Variants in RARB observed in about 807,000 individuals in gnomAD.
RARB encodes the protein retinoic acid receptor beta.
In RARB, 17 loss-of-function variants were observed where a neutral mutation model predicts 51.9. The observed-to-expected ratio is 0.33, with a 90% CI of 0.22 to 0.49. The LOEUF is 0.49. RARB is among the 20% of genes least tolerant of loss of function. The pLI, the probability that RARB is intolerant of heterozygous loss-of-function variation, is 0.99. For missense variants in RARB, 369 were observed against 550.8 expected (o/e 0.67, Z 3.30); for synonymous variants, 215 against 195.4 (o/e 1.10, Z -0.84).
chr3:25,535,477 G>GGTAT (rs1359453242), intron 3 of RARB, among the ~76,000 whole-genome samples: 1 of 150,652 alleles, frequency 6.6e-6, no homozygotes, highest in African/African-American at 2.5e-5. Flanking sequence ...TTGTTACATA[G>GGTAT]GTATACACGT....
At chr3:25,213,968 A>C (rs1224138762) in intron 5 of RARB, among the ~76,000 whole-genome samples, 3 of 152,248 alleles carry the variant, frequency 2.0e-5, no homozygotes, top group African/African-American at 7.2e-5. Flanking sequence ...GCTGATGGCC[A>C]ACCAAAGCAT....
intron 2 of RARB, among the ~76,000 whole-genome samples, chr3:24,974,146 G>T (rs1696459974): frequency 2.0e-5 from 3 of 151,794 alleles, no homozygotes; most frequent in South Asian, 2.1e-4. Flanking sequence ...GTTTTTTATG[G>T]TTTTAACATA....
intron 3 of RARB, among the ~76,000 whole-genome samples, chr3:25,086,198 T>G (rs4858700): frequency 6.6e-6 from 1 of 152,010 alleles, no homozygotes; most frequent in Non-Finnish European, 1.5e-5. Context: ...TGAATTCTAA[T>G]TAGCCCTGAA....
intron 5 of RARB, among the ~76,000 whole-genome samples, chr3:25,304,896 G>T (rs1337910256): frequency 6.6e-6 from 1 of 152,136 alleles, no homozygotes; most frequent in Non-Finnish European, 1.5e-5. Flanking sequence ...TACTCCAGTG[G>T]TATTTTTATT....
At chr3:24,955,653 T>C (rs775099742) in intron 2 of RARB, among the ~76,000 whole-genome samples, 3 of 152,146 alleles carry the variant, frequency 2.0e-5, no homozygotes, top group South Asian at 2.1e-4. Context: ...CCAGGGAAAA[T>C]GATTACCCTA....
At chr3:25,210,408 T>G (rs994395947) in intron 5 of RARB, among the ~76,000 whole-genome samples, 2 of 152,040 alleles carry the variant, frequency 1.3e-5, no homozygotes, top group African/African-American at 2.4e-5. Context: ...GTGAACAAGA[T>G]TTTCTTGAAA....
chr3:24,868,347 C>T (rs1702888557), intron 2 of RARB, among the ~76,000 whole-genome samples: 1 of 152,106 alleles, frequency 6.6e-6, no homozygotes, highest in African/African-American at 2.4e-5. Context: ...AGTATTTAAT[C>T]CATTTATAAG....
At chr3:25,519,956 A>T (rs750294650) in intron 3 of RARB, among the ~76,000 whole-genome samples, 1 of 152,220 alleles carries the variant, frequency 6.6e-6, no homozygotes, top group Non-Finnish European at 1.5e-5. Context: ...TGAAGATAAC[A>T]TCCATATTCA....
chr3:24,955,669 C>T (rs915108893), intron 2 of RARB, among the ~76,000 whole-genome samples: 5 of 152,066 alleles, frequency 3.3e-5, no homozygotes, highest in African/African-American at 9.7e-5. Flanking sequence ...CCCTAATGTG[C>T]GCAAGCTTAT....
intron 5 of RARB, among the ~76,000 whole-genome samples, chr3:25,410,416 T>C (rs1047077975): frequency 2.0e-5 from 3 of 152,222 alleles, no homozygotes; most frequent in Non-Finnish European, 2.9e-5. Flanking sequence ...AGGCAGTTCT[T>C]TTTATCCTAG....
chr3:24,967,212 T>C (rs1430890351), intron 2 of RARB, among the ~76,000 whole-genome samples: 2 of 152,122 alleles, frequency 1.3e-5, no homozygotes, highest in African/African-American at 4.8e-5. Context: ...GATAAGCTTC[T>C]CGTTGGTCAC....
At chr3:25,008,239 A>G (rs1239426396) in intron 2 of RARB, among the ~76,000 whole-genome samples, 1 of 152,146 alleles carries the variant, frequency 6.6e-6, no homozygotes, top group African/African-American at 2.4e-5. Flanking sequence ...TGTACATTTT[A>G]GCAGTTTACA....
intron 5 of RARB, among the ~76,000 whole-genome samples, chr3:25,348,911 G>T (rs1259789178): frequency 6.6e-6 from 1 of 152,134 alleles, no homozygotes; most frequent in Non-Finnish European, 1.5e-5. Context: ...TATGCTGCTG[G>T]ACTTAGGGAC....
chr3:24,905,259 T>C (rs1694834004), intron 2 of RARB, among the ~76,000 whole-genome samples: 1 of 152,190 alleles, frequency 6.6e-6, no homozygotes. Context: ...GGGTTTGTGA[T>C]ATGGTAGTTT....
chr3:25,206,713 G>T (rs959152776), intron 5 of RARB, among the ~76,000 whole-genome samples: 2 of 152,140 alleles, frequency 1.3e-5, no homozygotes, highest in African/African-American at 4.8e-5. Context: ...ATTCTTTCTG[G>T]AAAAAATGTG....
chr3:24,951,941 T>C (rs115016339), intron 2 of RARB, among the ~76,000 whole-genome samples: 3,262 of 152,340 alleles, frequency 0.021, 64 homozygotes, highest in Middle Eastern at 0.071. Context: ...GCTCTAATTA[T>C]AGGAAACGTA....
intron 2 of RARB, among the ~76,000 whole-genome samples, chr3:24,983,918 T>C (rs1392123818): frequency 6.6e-6 from 1 of 152,054 alleles, no homozygotes; most frequent in Non-Finnish European, 1.5e-5. Context: ...CATGTAGAAA[T>C]AGTGCAATAA....
intron 5 of RARB, among the ~76,000 whole-genome samples, chr3:25,362,874 C>G (rs557686706): frequency 2.6e-5 from 4 of 152,314 alleles, no homozygotes; most frequent in African/African-American, 9.6e-5. Context: ...CAGCCTTCTG[C>G]GTTGGCCTCT....
At chr3:25,586,034 C>A (rs1701370970) in intron 5 of RARB, among the ~76,000 whole-genome samples, 1 of 152,146 alleles carries the variant, frequency 6.6e-6, no homozygotes, top group Non-Finnish European at 1.5e-5. Context: ...AAGAGCTTGA[C>A]TGGAAATTCT....
Sources: gnomAD v4.1 joint callset for allele counts (sites outside exome capture counted in the v4.1 genomes callset) on GRCh38, gnomAD v4.1.1 for gene constraint, MANE v1.5 for transcripts, NCBI Gene and HGNC (gene_info 2026-07-23, HGNC 2026-07-21) for gene names.